The following DCDC2C variants were observed in gnomAD, a reference collection of about 807,000 sequenced individuals.
The protein encoded by DCDC2C is doublecortin domain containing 2C, also known as doublecortin domain-containing protein 2C.
Under a neutral mutation model 45.0 loss-of-function variants are expected in DCDC2C, and 44 were observed. That is an observed-to-expected ratio of 0.98 (90% CI 0.77 to 1.26). The LOEUF is 1.26. Among genes scored for constraint, DCDC2C ranks in the 50% most tolerant of loss-of-function variants. The pLI is 0.00. For synonymous variants in DCDC2C, 187 were observed against 178.8 expected, an observed-to-expected ratio of 1.05 and a Z score of -0.37; for missense variants, 447 against 468.9, an observed-to-expected ratio of 0.95 and a Z score of 0.43.
chr2:3,727,859 G>A (rs116647198), intron 3 of DCDC2C, among the ~76,000 whole-genome samples: 218 of 152,326 alleles, frequency 1.4e-3, no homozygotes, highest in African/African-American at 5.0e-3. Context: ...ACTGTGGTGA[G>A]GGTTAGCTTC....
chr2:3,717,047 T>C (rs532024157), intron 2 of DCDC2C, among the ~76,000 whole-genome samples: 22 of 152,276 alleles, frequency 1.4e-4, no homozygotes, highest in Non-Finnish European at 2.8e-4. Context: ...TCTGAAGCTC[T>C]TCTCTTCTCA....
chr2:3,813,039 G>GTATA (rs202152340), intron 10 of DCDC2C, among the ~76,000 whole-genome samples: 41 of 87,404 alleles, frequency 4.7e-4, no homozygotes, highest in Non-Finnish European at 5.8e-4. Context: ...TGAGAAGAAC[G>GTATA]TATATATATA....
chr2:3,841,554 ATTCT>A (rs1465176760), intron 10 of DCDC2C, among the ~76,000 whole-genome samples: 1 of 151,966 alleles, frequency 6.6e-6, no homozygotes, highest in Non-Finnish European at 1.5e-5. Flanking sequence ...TTTATTTTTT[ATTCT>A]TTTATTTATC....
chr2:3,706,981 A>G, intron 1 of DCDC2C, among the ~76,000 whole-genome samples: 1 of 152,216 alleles, frequency 6.6e-6, no homozygotes. Flanking sequence ...GCAGTAGGGT[A>G]AGGTGCCTGG....
In DCDC2C at chr2:3,725,190, A is replaced by G. The variant is rs568830833; in HGVS notation, c.340-1813A>G. ...GAAGGACACCAAATGAATTTGGCTT[A>G]GTGCCGGCGGGGGCGATGATCGATT... On this transcript the variant is annotated intron_variant, in intron 2 of 10. Coordinates refer to ENST00000399143, the MANE Select transcript of DCDC2C (RefSeq NM_001287444.2). Among the ~76,000 whole-genome samples, 4 of 152,260 alleles carry G rather than the reference A, an allele frequency of 2.6e-5. No homozygotes were observed. The South Asian group carries it at 8.3e-4, about 32-fold the overall frequency.
intron 10 of DCDC2C, among the ~76,000 whole-genome samples, chr2:3,823,948 C>G (rs1018832880): frequency 1.5e-4 from 23 of 152,312 alleles, no homozygotes; most frequent in African/African-American, 5.5e-4. Context: ...TTTGTTGCAA[C>G]TCATCAGCTG....
chr2:3,809,026 G>C (rs1572633359), intron 10 of DCDC2C, among the ~76,000 whole-genome samples: 1 of 152,104 alleles, frequency 6.6e-6, no homozygotes, highest in Non-Finnish European at 1.5e-5. Flanking sequence ...CTGCTTTAAA[G>C]TTACTTGCAT....
intron 8 of DCDC2C, among the ~76,000 whole-genome samples, chr2:3,769,728 G>A (rs1670114353): frequency 6.6e-6 from 1 of 152,216 alleles, no homozygotes; most frequent in African/African-American, 2.4e-5. Flanking sequence ...AAAGGGGCTG[G>A]CTGCCTCGCT....
chr2:3,770,563 G>A (rs530786821), intron 8 of DCDC2C, among the ~76,000 whole-genome samples: 4 of 151,736 alleles, frequency 2.6e-5, no homozygotes, highest in African/African-American at 9.7e-5. Flanking sequence ...CATTTTCTTC[G>A]CAAATCCAAA....
chr2:3,831,822 C>T (rs1671958963), intron 10 of DCDC2C, among the ~76,000 whole-genome samples: 1 of 152,230 alleles, frequency 6.6e-6, no homozygotes, highest in Non-Finnish European at 1.5e-5. Flanking sequence ...TTATTTCCCT[C>T]ATCTACAAAA....
At chr2:3,748,671 G>A (rs1268894708) in intron 4 of DCDC2C, among the ~76,000 whole-genome samples, 1 of 152,166 alleles carries the variant, frequency 6.6e-6, no homozygotes, top group Non-Finnish European at 1.5e-5. Context: ...GGTATTGACG[G>A]TTGAGGTGCT....
At chr2:3,762,507 A>G (rs576138650) in intron 6 of DCDC2C, among the ~76,000 whole-genome samples, 19 of 152,288 alleles carry the variant, frequency 1.2e-4, no homozygotes, top group Admixed American at 9.8e-4. Context: ...GCTTCTGGGG[A>G]GGCCTCAGGG....
At chr2:3,730,424 A>G (rs1166745285) in intron 3 of DCDC2C, among the ~76,000 whole-genome samples, 1 of 152,216 alleles carries the variant, frequency 6.6e-6, no homozygotes, top group African/African-American at 2.4e-5. Context: ...TCGGATTGCC[A>G]CTGCTACAGT....
At chr2:3,805,117 A>C (rs187226861) in intron 10 of DCDC2C, among the ~76,000 whole-genome samples, 3 of 152,342 alleles carry the variant, frequency 2.0e-5, no homozygotes, top group Admixed American at 1.3e-4. Context: ...GGCCAATGAC[A>C]ACTGACACTT....
intron 9 of DCDC2C, among the ~76,000 whole-genome samples, chr2:3,780,149 G>A (rs574460102): frequency 3.9e-5 from 6 of 152,310 alleles, no homozygotes; most frequent in African/African-American, 9.6e-5. Flanking sequence ...ACCCTCCGTC[G>A]AGGGTAAGAG....
At chr2:3,738,489 A>T (rs1444418445) in intron 3 of DCDC2C, among the ~76,000 whole-genome samples, 1 of 134,710 alleles carries the variant, frequency 7.4e-6, no homozygotes, top group African/African-American at 2.8e-5. Flanking sequence ...GATGAGATAT[A>T]TTCAGCATCC....
At chr2:3,789,178 A>C (rs1670740492) in intron 10 of DCDC2C, among the ~76,000 whole-genome samples, 1 of 152,134 alleles carries the variant, frequency 6.6e-6, no homozygotes, top group Non-Finnish European at 1.5e-5. Context: ...ATGGAAAAAT[A>C]GTGGGTTTTG....
chr2:3,760,506 G>T (rs754441726), intron 6 of DCDC2C, among the ~76,000 whole-genome samples: 1 of 152,188 alleles, frequency 6.6e-6, no homozygotes, highest in Admixed American at 6.6e-5. Flanking sequence ...CCATAAAAAA[G>T]AATGAGTTTA....
intron 8 of DCDC2C, among the ~76,000 whole-genome samples, chr2:3,771,389 A>G (rs1670164443): frequency 1.3e-5 from 2 of 152,254 alleles, no homozygotes; most frequent in African/African-American, 2.4e-5. Flanking sequence ...AGCTCAGGCC[A>G]TGTAGACAGA....
Sources: allele counts gnomAD v4.1 joint callset (sites outside exome capture counted in the v4.1 genomes callset), GRCh38; gene constraint gnomAD v4.1.1; transcripts MANE v1.5; gene names NCBI Gene and HGNC (gene_info 2026-07-23, HGNC 2026-07-21).